Variants in STK36 observed in about 807,000 individuals in gnomAD.
The protein encoded by STK36 is serine/threonine kinase 36, also known as serine/threonine-protein kinase 36.
A neutral mutation model predicts 142.2 loss-of-function variants in STK36; 116 were observed. The observed-to-expected ratio is 0.82, with a 90% CI of 0.70 to 0.95. STK36 has a LOEUF of 0.95. Among genes scored for constraint, STK36 ranks in the 40% least tolerant of loss-of-function variants. STK36 has a pLI of 0.00. For missense variants in STK36, 1,422 were observed against 1,617.2 expected (o/e 0.88, Z 2.07); for synonymous variants, 619 against 641.7 (o/e 0.96, Z 0.53).
chr2:218,673,979 C>T (rs750188838), intron 4 of STK36, 23 bp downstream of exon 4: 1 of 1,604,902 alleles, frequency 6.2e-7, no homozygotes, highest in South Asian at 1.1e-5. Context: ...CCTTCAACTT[C>T]TCCCCACCTC....
At chr2:218,699,490 G>A in intron 26 of STK36, 142 bp downstream of exon 26, 1 of 1,291,042 alleles carries the variant, frequency 7.7e-7, no homozygotes, top group Non-Finnish European at 1.0e-6. Flanking sequence ...GTCTTGGAGT[G>A]AGTTTTCTAG....
At chr2:218,689,778 A>G (rs1020040860) in intron 12 of STK36, 81 bp from the exon 13 acceptor site, 11 of 1,324,966 alleles carry the variant, frequency 8.3e-6, no homozygotes, top group East Asian at 2.5e-5. Context: ...CTGGGTCTCT[A>G]TACACCCTTT....
intron 26 of STK36, among the ~76,000 whole-genome samples, chr2:218,701,598 T>C (rs181179219): frequency 2.6e-3 from 402 of 152,324 alleles, no homozygotes; most frequent in Non-Finnish European, 4.8e-3. Context: ...CAAGTCTTCC[T>C]GGGGACAAGT....
Position 218,696,800 on chromosome 2 carries a change from C to T in STK36, c.2586+199C>T, listed in dbSNP as rs1297292409. 3.4e-6 allele frequency: 3 copies of T among 894,384 alleles called. No homozygotes were observed. The East Asian group carries it at 7.2e-5, about 21-fold the overall frequency. 55.4% of individuals were successfully genotyped at this position (894,384 alleles called of 1,614,324 possible). ...AACCATTCGCTGCGTCCCCTGGGAT[C>T]CAGTGGGAGATAAAATGAATTCCCT... is the stretch of plus-strand genomic sequence containing the variant. On this transcript the variant is annotated intron_variant, in intron 22 of 26. Coordinates refer to ENST00000295709, the MANE Select transcript of STK36 (RefSeq NM_015690.5).
rs754109786 is a variant in STK36 at position 218,676,015 on chromosome 2, A to G, written c.435-14A>G. ...TCTTTTCCCTTTCCATTTCCATCCCATTATCTTCTGCAGATTTGCCCGGGC... is the reference window on the plus strand; with the variant it reads ...TCTTTTCCCTTTCCATTTCCATCCCGTTATCTTCTGCAGATTTGCCCGGGC... On this transcript the variant is annotated splice_polypyrimidine_tract_variant and intron_variant, in intron 5 of 26. Transcript: ENST00000295709. 5 of 1,612,912 alleles carry G rather than the reference A, an allele frequency of 3.1e-6. No individual in the cohort carries two copies. The highest frequency in any genetic ancestry group is 1.7e-4 in the Middle Eastern group (1 of 6,058).
chr2:218,677,356 G>A (rs997615310), intron 6 of STK36, among the ~76,000 whole-genome samples: 1 of 152,166 alleles, frequency 6.6e-6, no homozygotes, highest in Non-Finnish European at 1.5e-5. Flanking sequence ...CCAACATTGG[G>A]TATTACAATT....
At chr2:218,679,046 A>G in intron 6 of STK36, 122 bp from the exon 7 acceptor site, 1 of 908,674 alleles carries the variant, frequency 1.1e-6, no homozygotes, top group East Asian at 2.6e-5. Context: ...AGAGGGCATG[A>G]TCAAGAGCAG....
intron 11 of STK36, among the ~76,000 whole-genome samples, chr2:218,687,316 A>G (rs973719424): frequency 6.6e-6 from 1 of 152,224 alleles, no homozygotes; most frequent in African/African-American, 2.4e-5. Flanking sequence ...GATGTTGTGT[A>G]TAAGAAATCT....
intron 9 of STK36, 116 bp from the exon 10 acceptor site, chr2:218,680,484 AGTC>A: frequency 1.3e-6 from 1 of 777,258 alleles, no homozygotes; most frequent in Non-Finnish European, 2.1e-6. Flanking sequence ...AGTCTCCTCT[AGTC>A]AATCCTATAT....
chr2:218,678,268 A>G (rs1441953468), intron 6 of STK36, among the ~76,000 whole-genome samples: 4 of 152,148 alleles, frequency 2.6e-5, no homozygotes, highest in African/African-American at 9.7e-5. Flanking sequence ...TTTTTTATGT[A>G]GGGCAAGATT....
rs1941123888 is a variant in STK36, at chr2:218,694,100, G to A, written c.2336+117G>A. The A allele has an allele frequency of 8.0e-7, 1 of 1,242,728 alleles. No individual in the cohort carries two copies. 77.0% of individuals were successfully genotyped at this position (1,242,728 alleles called of 1,614,324 possible). A position where few individuals can be genotyped will look rare whatever the true frequency, so the allele number is the denominator to read the frequency against. On this transcript the variant is annotated intron_variant, in intron 19 of 26. Transcript: ENST00000295709. This position sits in a 1 kb window ranked among gnomAD's most constrained non-coding sequence, Gnocchi z 4.4. ...TCCTTAGGAGGAATTGGGATAGAGA[G>A]CGTGAAGCTTTCTCTACAAAGAACA...
intron 5 of STK36, among the ~76,000 whole-genome samples, chr2:218,675,794 G>A (rs1252108589): frequency 6.6e-6 from 1 of 152,056 alleles, no homozygotes; most frequent in Non-Finnish European, 1.5e-5. Context: ...AAAGTGCTGG[G>A]ATTACAGGCA....
chr2:218,690,615 C>T (rs764413438), intron 14 of STK36, 60 bp downstream of exon 14: 1 of 1,353,886 alleles, frequency 7.4e-7, no homozygotes. Flanking sequence ...TTTCTCCCAT[C>T]CCCTTTCTTA....
intron 7 of STK36, 74 bp downstream of exon 7, chr2:218,679,335 G>T (rs1267457839): frequency 2.1e-6 from 3 of 1,452,350 alleles, no homozygotes; most frequent in Non-Finnish European, 2.9e-6. Flanking sequence ...TCACTTCCCC[G>T]ACCATCTAGA....
In STK36 at chr2:218,702,685, T is replaced by C. The variant is rs747210847; in HGVS notation, c.*676T>C. 4 of 152,110 alleles carry C rather than the reference T, an allele frequency of 2.6e-5. No individual in the cohort carries two copies. The highest frequency in any genetic ancestry group is 4.4e-5 in the Non-Finnish European group (3 of 68,010). The allele number at this position is 152,110 out of a possible 1,614,324, so 9.4% of individuals were successfully genotyped here. A position where few individuals can be genotyped will look rare whatever the true frequency, so the allele number is the denominator to read the frequency against. On this transcript the variant is annotated 3_prime_UTR_variant, in exon 27 of 27. Transcript: ENST00000295709. ...AACCCCTCTTTCAGCTTCTATGTGG[T>C]GTTGGAGGTGCTGGTATCGTGTTCA...
Position 218,679,682 on chromosome 2 carries a change from A to T in STK36, c.901A>T (p.Ile301Phe), listed in dbSNP as rs199586750. ...GGCCCCCAAGGGTAATCAGTCTCGC[A>T]TCTTGACTCAGGCCTATAAACGCAT... is the stretch of plus-strand genomic sequence containing the variant. ...RLAPKGNQSR[I>F]LTQAYKRMAE... is the part of the protein sequence containing the mutation. The change falls in exon 8 of 27, where the codon ATC (isoleucine) becomes TTC (phenylalanine). Residue 301 changes from isoleucine (I) to phenylalanine (F), a missense_variant. By Grantham distance (21) the Ile-to-Phe change is conservative. This residue lies in a region of STK36 where 460 missense variants were observed against 449.6 expected (regional missense o/e 1.02). Transcript: ENST00000295709. 6 of 1,614,204 alleles carry T rather than the reference A, an allele frequency of 3.7e-6. No homozygotes were observed. The South Asian group carries it at 6.6e-5, about 18-fold the overall frequency.
Position 218,672,126 on chromosome 2 carries a change from A to G in STK36, c.-179A>G, listed in dbSNP as rs545378046. ...CCCTGAGGCAGTTCGGATGTGTCCCAGGAAGTGCCCATGTGTGGTCCGCCG... is the reference window on the plus strand; with the variant it reads ...CCCTGAGGCAGTTCGGATGTGTCCCGGGAAGTGCCCATGTGTGGTCCGCCG... On this transcript the variant is annotated 5_prime_UTR_variant, in exon 1 of 27. Transcript: ENST00000295709. 2.9e-5 allele frequency: 24 copies of G among 831,190 alleles called. No individual in the cohort carries two copies. The South Asian group carries it at 3.7e-4, about 13-fold the overall frequency. 51.5% of individuals were successfully genotyped at this position (831,190 alleles called of 1,614,324 possible). A position where few individuals can be genotyped will look rare whatever the true frequency, so the allele number is the denominator to read the frequency against.
At chr2:218,677,075 A>G (rs2106344994) in intron 6 of STK36, among the ~76,000 whole-genome samples, 1 of 152,284 alleles carries the variant, frequency 6.6e-6, no homozygotes, top group South Asian at 2.1e-4. Flanking sequence ...CTGGGATTAC[A>G]GGCATGCACC....
In STK36 at chr2:218,693,227, T is replaced by C; in HGVS notation, c.2044-13T>C. 1 of 1,612,048 alleles carries C rather than the reference T, an allele frequency of 6.2e-7. No individual in the cohort carries two copies. The highest frequency in any genetic ancestry group is 8.5e-7 in the Non-Finnish European group (1 of 1,178,266). ...ATGTGGATAGGATTGAGCCTTCAGGTATGTCTCTATAGGTCTGTTGGCATT... is the reference window on the plus strand; with the variant it reads ...ATGTGGATAGGATTGAGCCTTCAGGCATGTCTCTATAGGTCTGTTGGCATT... On this transcript the variant is annotated splice_polypyrimidine_tract_variant and intron_variant, in intron 16 of 26. Coordinates refer to ENST00000295709, the MANE Select transcript of STK36 (RefSeq NM_015690.5).
Sources: gnomAD v4.1 joint callset for allele counts (sites outside exome capture counted in the v4.1 genomes callset) on GRCh38, gnomAD v4.1.1 for gene constraint, gnomAD v4.1.1 regional missense constraint, Gnocchi (gnomAD v3.1) non-coding constraint, MANE v1.5 for transcripts, NCBI Gene and HGNC (gene_info 2026-07-23, HGNC 2026-07-21) for gene names.